SLC6A6: variants seen among roughly 807,000 people sequenced by gnomAD.
SLC6A6 encodes solute carrier family 6 member 6.
A neutral mutation model predicts 68.8 loss-of-function variants in SLC6A6; 16 were observed. That is an observed-to-expected ratio of 0.23 (90% CI 0.16 to 0.35). The LOEUF (loss-of-function observed/expected upper bound fraction) is 0.35, where lower values mean the gene tolerates loss of function less well. Ranked by LOEUF, SLC6A6 falls within the 10% of genes least tolerant of loss-of-function variation. The pLI is 1.00. For synonymous variants in SLC6A6, 312 were observed against 315.4 expected, an observed-to-expected ratio of 0.99 and a Z score of 0.12; for missense variants, 474 against 802.8, an observed-to-expected ratio of 0.59 and a Z score of 4.95.
In SLC6A6 at chr3:14,481,838, T is replaced by A. The variant is rs756266752; in HGVS notation, c.1719T>A (p.Leu573=). 1 of 1,613,416 alleles carries A rather than the reference T, an allele frequency of 6.2e-7. No individual in the cohort carries two copies. The highest frequency in any genetic ancestry group is 8.5e-7 in the Non-Finnish European group (1 of 1,179,730). The part of the protein sequence containing the change: ...IRLCQTEGPF[L]VRVKYLLTPR... The stretch of plus-strand genomic sequence containing the variant: ...TCTGCCAGACTGAGGGGCCGTTCCT[T>A]GTGGTAAGTGCTTGGGCCCAGGGCC... The change falls in exon 14 of 15, where the codon CTT becomes CTA. Residue 573 remains leucine, a synonymous_variant. Coordinates refer to ENST00000622186, the MANE Select transcript of SLC6A6 (RefSeq NM_003043.6). The surrounding 1 kb of genome is among the most constrained non-coding windows in gnomAD (Gnocchi z 4.7).
At position 14,472,919 on chromosome 3, in the gene SLC6A6, G is replaced by A. The variant is rs1031939229; in HGVS notation, c.1209+602G>A. Among the ~76,000 whole-genome samples, 6 of 152,184 alleles carry A rather than the reference G, an allele frequency of 3.9e-5. No individual in the cohort carries two copies. The highest frequency in any genetic ancestry group is 5.9e-5 in the Non-Finnish European group (4 of 68,036). ...ATACACCGCACAGGCCGGGAGCCTC[G>A]CTCAAACCCGCCCTGACCTCTGGCT... On this transcript the variant is annotated intron_variant, in intron 10 of 14. Coordinates refer to ENST00000622186, the MANE Select transcript of SLC6A6 (RefSeq NM_003043.6). The surrounding 1 kb of genome is among the most constrained non-coding windows in gnomAD (Gnocchi z 4.5).
intron 1 of SLC6A6, among the ~76,000 whole-genome samples, chr3:14,407,829 A>G (rs1392135283): frequency 1.3e-5 from 2 of 152,104 alleles, no homozygotes; most frequent in African/African-American, 4.8e-5. Flanking sequence ...CTGTCACCAT[A>G]AATTAGTTTT....
chr3:14,468,034 C>A lies in SLC6A6; in HGVS notation c.972-54C>A, dbSNP rs545052382. 1 of 1,612,926 alleles carries A rather than the reference C, an allele frequency of 6.2e-7. No homozygotes were observed. The highest frequency in any genetic ancestry group is 1.3e-5 in the African/African-American group (1 of 74,864). Reference sequence around the variant, plus strand: ...TTTAAAGAAAAAGAGAAGTAGGGAGCGTGGCTTCCTTGTGTTGTGAATTAA... The same window carrying A: ...TTTAAAGAAAAAGAGAAGTAGGGAGAGTGGCTTCCTTGTGTTGTGAATTAA... On this transcript the variant is annotated intron_variant, in intron 8 of 14. Transcript: ENST00000622186. This position sits in a 1 kb window ranked among gnomAD's most constrained non-coding sequence, Gnocchi z 4.5.
chr3:14,407,395 T>C (rs1228024525), intron 1 of SLC6A6, among the ~76,000 whole-genome samples: 1 of 152,168 alleles, frequency 6.6e-6, no homozygotes, highest in East Asian at 1.9e-4. Context: ...TTTTGACAAA[T>C]GTATACACCT....
At chr3:14,451,154 C>T (rs1486648933) in intron 5 of SLC6A6, among the ~76,000 whole-genome samples, 1 of 152,240 alleles carries the variant, frequency 6.6e-6, no homozygotes, top group African/African-American at 2.4e-5. Context: ...GCTCAGAACC[C>T]TCTCATGGCT....
In SLC6A6 at chr3:14,478,003, C is replaced by G. The variant is rs918412581; in HGVS notation, c.1348-463C>G. Among the ~76,000 whole-genome samples, 8 of 151,848 alleles carry G rather than the reference C, an allele frequency of 5.3e-5. No homozygotes were observed. In the East Asian group the frequency reaches 7.8e-4, roughly 15 times the overall value. On this transcript the variant is annotated intron_variant, in intron 11 of 14. Coordinates refer to ENST00000622186, the MANE Select transcript of SLC6A6 (RefSeq NM_003043.6). ...ACGCTCTCTCCTGCATGCCCCCCCC[C>G]ACCACCTCCCCTGTTCCCCAGGAAC...
Position 14,429,507 on chromosome 3 carries a change from C to T in SLC6A6, c.-12+13054C>T, listed in dbSNP as rs115377156. ...CAGATGAGACGTCTGTGTGCACACA[C>T]GCATCACATGCACGCACTGTCATGA... On this transcript the variant is annotated intron_variant, in intron 2 of 14. Coordinates refer to ENST00000622186, the MANE Select transcript of SLC6A6 (RefSeq NM_003043.6). Among the ~76,000 whole-genome samples, 198 of 152,342 alleles carry T rather than the reference C, an allele frequency of 1.3e-3. 1 individual carries two copies. Among genetic ancestry groups the T allele is most frequent in the African/African-American group, 4.6e-3 (192 of 41,578 alleles).
chr3:14,465,172 T>G (rs62233575), intron 6 of SLC6A6, among the ~76,000 whole-genome samples: 1 of 152,320 alleles, frequency 6.6e-6, no homozygotes, highest in African/African-American at 2.4e-5. Context: ...CCAGGCATAA[T>G]CTCTGTCTGG....
rs778524742 is a variant in SLC6A6, at chr3:14,485,021, G to A, written c.*14G>A. 54 of 1,595,146 alleles carry A rather than the reference G, an allele frequency of 3.4e-5. No individual in the cohort carries two copies. Among genetic ancestry groups the A allele is most frequent in the Middle Eastern group, 3.3e-4 (2 of 5,988 alleles). Reference sequence around the variant, plus strand: ...ACCATGATGTGAGCTCTCTCGGGTCGACGGGGCCGGCGGCTTTCCTGCTGT... The same window carrying A: ...ACCATGATGTGAGCTCTCTCGGGTCAACGGGGCCGGCGGCTTTCCTGCTGT... On this transcript the variant is annotated 3_prime_UTR_variant, in exon 15 of 15. Coordinates refer to ENST00000622186, the MANE Select transcript of SLC6A6 (RefSeq NM_003043.6).
chr3:14,417,611 A>G lies in SLC6A6; in HGVS notation c.-12+1158A>G, dbSNP rs59886234. On this transcript the variant is annotated intron_variant, in intron 2 of 14. Coordinates refer to ENST00000622186, the MANE Select transcript of SLC6A6 (RefSeq NM_003043.6). ...GCCAGACGTGGTGGCGGGCGCCTGT[A>G]GTTCCAGCTACTCGGGAGGCTGAGG... Among the ~76,000 whole-genome samples, 468 of 152,210 alleles carry G rather than the reference A, an allele frequency of 3.1e-3. 4 individuals carry two copies. Among genetic ancestry groups the G allele is most frequent in the African/African-American group, 0.011 (451 of 41,552 alleles).
At chr3:14,462,236 G>A (rs1402641775) in intron 6 of SLC6A6, among the ~76,000 whole-genome samples, 1 of 152,226 alleles carries the variant, frequency 6.6e-6, no homozygotes, top group Non-Finnish European at 1.5e-5. Context: ...CAAAGCAAGG[G>A]TGGCTTTCAA....
rs553171096 is a variant in SLC6A6, at chr3:14,431,330, A to G, written c.-11-12294A>G. Among the ~76,000 whole-genome samples, 306 of 152,274 alleles carry G rather than the reference A, an allele frequency of 2.0e-3. 15 individuals are homozygous for G. The South Asian group carries it at 0.06, about 30-fold the overall frequency. The stretch of plus-strand genomic sequence containing the variant: ...GTGTCCCCAGAGCCCTAAGCCCTAA[A>G]CATTCCATCTGAAAAATCCTCATCG... On this transcript the variant is annotated intron_variant, in intron 2 of 14. Coordinates refer to ENST00000622186, the MANE Select transcript of SLC6A6 (RefSeq NM_003043.6).
At position 14,481,767 on chromosome 3, in the gene SLC6A6, G is replaced by T. The variant is rs1701013560; in HGVS notation, c.1648G>T (p.Ala550Ser). The T allele has an allele frequency of 1.2e-6, 2 of 1,613,994 alleles. No homozygotes were observed. Among genetic ancestry groups the T allele is most frequent in the Non-Finnish European group, 1.7e-6 (2 of 1,179,984 alleles). ...NWAIGLGWSL[A>S]LSSMLCVPLV... Reference sequence around the variant, plus strand: ...GGCCATTGGGCTGGGCTGGAGCCTGGCCCTTTCCTCCATGCTCTGCGTTCC... The same window carrying T: ...GGCCATTGGGCTGGGCTGGAGCCTGTCCCTTTCCTCCATGCTCTGCGTTCC... Residue 550 changes from alanine to serine, a missense_variant, in exon 14 of 15, where the codon GCC becomes TCC. Physicochemically the swap from Ala to Ser is moderately conservative, Grantham distance 99. Coordinates refer to ENST00000622186, the MANE Select transcript of SLC6A6 (RefSeq NM_003043.6). The surrounding 1 kb of genome is among the most constrained non-coding windows in gnomAD (Gnocchi z 4.7).
chr3:14,447,454 G>A, intron 4 of SLC6A6, 128 bp from the exon 5 acceptor site: 1 of 1,091,490 alleles, frequency 9.2e-7, no homozygotes, highest in African/African-American at 1.6e-5. Context: ...TAAATATTTG[G>A]TGGTCACTGT....
chr3:14,473,895 T>C (rs551672712), intron 10 of SLC6A6, among the ~76,000 whole-genome samples: 2 of 152,252 alleles, frequency 1.3e-5, no homozygotes, highest in African/African-American at 2.4e-5. Flanking sequence ...AATAGGCCAC[T>C]TGGGCTTTGG....
At chr3:14,466,004 A>G (rs1700607243) in intron 6 of SLC6A6, among the ~76,000 whole-genome samples, 2 of 152,150 alleles carry the variant, frequency 1.3e-5, no homozygotes, top group Non-Finnish European at 2.9e-5. Flanking sequence ...GCTCATGCCT[A>G]TAATCCCAGC....
chr3:14,413,014 A>T (rs1382671201), intron 1 of SLC6A6, among the ~76,000 whole-genome samples: 1 of 152,210 alleles, frequency 6.6e-6, no homozygotes, highest in African/African-American at 2.4e-5. Flanking sequence ...AAGCCACAGG[A>T]GGCTTTTCAA....
chr3:14,439,914 C>T (rs953685600), intron 2 of SLC6A6, among the ~76,000 whole-genome samples: 2 of 152,190 alleles, frequency 1.3e-5, no homozygotes, highest in African/African-American at 4.8e-5. Flanking sequence ...ACATCACGGT[C>T]ACTGTTACTC....
chr3:14,429,685 T>C, intron 2 of SLC6A6, among the ~76,000 whole-genome samples: 1 of 152,210 alleles, frequency 6.6e-6, no homozygotes, highest in East Asian at 1.9e-4. Context: ...GGCCCCCACC[T>C]TGAAAATTCA....
Sources: allele counts gnomAD v4.1 joint callset (sites outside exome capture counted in the v4.1 genomes callset), GRCh38; gene constraint gnomAD v4.1.1; non-coding constraint Gnocchi (gnomAD v3.1); transcripts MANE v1.5; gene names NCBI Gene and HGNC (gene_info 2026-07-23, HGNC 2026-07-21).